Variants in NTM observed in about 807,000 individuals in gnomAD.
NTM encodes neurotrimin.
In NTM, 13 loss-of-function variants were observed where a neutral mutation model predicts 42.1. The observed-to-expected ratio is 0.31, with a 90% CI of 0.20 to 0.49. The LOEUF (loss-of-function observed/expected upper bound fraction) is 0.49. Ranked by LOEUF, NTM falls within the 20% of genes least tolerant of loss-of-function variation. NTM has a pLI of 0.99. For synonymous variants in NTM, 187 were observed against 179.2 expected (o/e 1.04, Z -0.35); for missense variants, 373 against 452.8 (o/e 0.82, Z 1.60).
At chr11:131,583,784 G>T (rs1041062808) in intron 1 of NTM, among the ~76,000 whole-genome samples, 2 of 152,262 alleles carry the variant, frequency 1.3e-5, no homozygotes, top group Non-Finnish European at 1.5e-5. Flanking sequence ...TGGGGCCAAG[G>T]AACCAAGGAG....
intron 1 of NTM, among the ~76,000 whole-genome samples, chr11:131,759,503 T>G (rs758697520): frequency 3.3e-5 from 5 of 152,164 alleles, no homozygotes; most frequent in Non-Finnish European, 5.9e-5. Flanking sequence ...TCCTTACCTC[T>G]TCTCTCTTCC....
At chr11:131,534,237 C>A (rs1277745350) in intron 1 of NTM, 3 of 152,200 alleles carry the variant, frequency 2.0e-5, no homozygotes, top group Non-Finnish European at 2.9e-5. Flanking sequence ...CATCACCCAG[C>A]CACGGCCACG....
intron 2 of NTM, among the ~76,000 whole-genome samples, chr11:132,104,414 A>G (rs1055401079): frequency 2.0e-5 from 3 of 151,332 alleles, no homozygotes; most frequent in African/African-American, 7.3e-5. Context: ...TAAAGTTTAT[A>G]TCTTATAAAG....
chr11:131,906,314 C>G (rs761849017), intron 1 of NTM, among the ~76,000 whole-genome samples: 1 of 152,128 alleles, frequency 6.6e-6, no homozygotes, highest in African/African-American at 2.4e-5. Flanking sequence ...TTGTTCTTAT[C>G]TGACAGGTAG....
chr11:131,483,959 C>T (rs1953890801), intron 1 of NTM, among the ~76,000 whole-genome samples: 1 of 136,626 alleles, frequency 7.3e-6, no homozygotes, highest in African/African-American at 2.6e-5. Flanking sequence ...CAGTGACTAT[C>T]ATTTTTTTGT....
rs34761122 is a variant in NTM, at chr11:131,554,372, T to C, written c.82+183484T>C. ...CCCTGAAGAAAGCAAGCTCCTCCAA[T>C]ATTTAGTGGCATATCAGCTGATCAA... On this transcript the variant is annotated intron_variant, in intron 1 of 8. Coordinates refer to ENST00000683400, the MANE Select transcript of NTM (RefSeq NM_001352005.2). 6.4e-3 allele frequency among the ~76,000 whole-genome samples: 973 copies of C among 152,320 alleles called. 6 individuals carry two copies. Among genetic ancestry groups the C allele is most frequent in the Non-Finnish European group, 0.011 (778 of 68,022 alleles).
intron 1 of NTM, among the ~76,000 whole-genome samples, chr11:131,532,534 A>T (rs889529226): frequency 6.6e-6 from 1 of 152,206 alleles, no homozygotes; most frequent in Non-Finnish European, 1.5e-5. Flanking sequence ...GCACTGGTCT[A>T]CATGTATCTG....
At chr11:132,163,050 G>A (rs1053384590) in intron 3 of NTM, among the ~76,000 whole-genome samples, 78 of 152,330 alleles carry the variant, frequency 5.1e-4, no homozygotes, top group African/African-American at 1.8e-3. Flanking sequence ...ATTACTAGAA[G>A]TGTGATGGCC....
At chr11:131,914,644 GGA>G (rs2055962136) in intron 2 of NTM, among the ~76,000 whole-genome samples, 1 of 152,186 alleles carries the variant, frequency 6.6e-6, no homozygotes. Context: ...CAATCCTTGT[GGA>G]GGTATTGGGA....
At chr11:132,221,231 C>T (rs1409922608) in intron 4 of NTM, among the ~76,000 whole-genome samples, 1 of 152,212 alleles carries the variant, frequency 6.6e-6, no homozygotes, top group South Asian at 2.1e-4. Flanking sequence ...ATCATTCAAT[C>T]ATAACAATAG....
intron 1 of NTM, among the ~76,000 whole-genome samples, chr11:131,523,782 C>CTA (rs2050077024): frequency 1.4e-5 from 1 of 72,198 alleles, no homozygotes; most frequent in African/African-American, 5.1e-5. Flanking sequence ...GACTCCATCT[C>CTA]AAAAAAAAAA....
At chr11:132,025,335 A>G (rs1164801192) in intron 2 of NTM, among the ~76,000 whole-genome samples, 2 of 152,150 alleles carry the variant, frequency 1.3e-5, no homozygotes, top group African/African-American at 4.8e-5. Context: ...AGTCTACCCA[A>G]TTATTGAAGT....
chr11:132,302,737 C>G (rs1298952066), intron 4 of NTM, among the ~76,000 whole-genome samples: 1 of 152,198 alleles, frequency 6.6e-6, no homozygotes, highest in Non-Finnish European at 1.5e-5. Context: ...GACAGCTACT[C>G]AAAAACTTGA....
At chr11:132,046,316 A>G (rs978490911) in intron 2 of NTM, among the ~76,000 whole-genome samples, 1 of 150,520 alleles carries the variant, frequency 6.6e-6, no homozygotes, top group Non-Finnish European at 1.5e-5. Flanking sequence ...TTTTTTGTTG[A>G]AGGCATTCAA....
intron 1 of NTM, among the ~76,000 whole-genome samples, chr11:131,636,190 C>G (rs1011175726): frequency 6.6e-6 from 1 of 152,170 alleles, no homozygotes; most frequent in African/African-American, 2.4e-5. Flanking sequence ...AGAGCCCCAC[C>G]ACGGAGGACT....
intron 2 of NTM, among the ~76,000 whole-genome samples, chr11:131,993,783 C>T (rs944048903): frequency 2.6e-5 from 4 of 151,856 alleles, no homozygotes; most frequent in Non-Finnish European, 5.9e-5. Context: ...GGTGGATCAC[C>T]TGAGGTTAGG....
intron 1 of NTM, among the ~76,000 whole-genome samples, chr11:131,560,889 A>G (rs927545239): frequency 6.6e-6 from 1 of 152,204 alleles, no homozygotes; most frequent in Admixed American, 6.5e-5. Context: ...CACCTGCACA[A>G]GCCACTTTGA....
At chr11:131,603,988 T>A (rs1247840732) in intron 1 of NTM, among the ~76,000 whole-genome samples, 1 of 152,226 alleles carries the variant, frequency 6.6e-6, no homozygotes, top group Non-Finnish European at 1.5e-5. Flanking sequence ...ATAATGCTGC[T>A]TTGAACATGC....
chr11:131,776,587 T>C (rs905029717), intron 1 of NTM, among the ~76,000 whole-genome samples: 6 of 152,204 alleles, frequency 3.9e-5, no homozygotes, highest in African/African-American at 1.4e-4. Flanking sequence ...TAGACATTTT[T>C]TTTTTTTTGT....
Sources: gnomAD v4.1 joint callset for allele counts (sites outside exome capture counted in the v4.1 genomes callset) on GRCh38, gnomAD v4.1.1 for gene constraint, MANE v1.5 for transcripts, NCBI Gene and HGNC (gene_info 2026-07-23, HGNC 2026-07-21) for gene names.